The following CLNK variants were observed in gnomAD, a reference collection of about 807,000 sequenced individuals.
CLNK encodes the protein cytokine dependent hematopoietic cell linker.
A neutral mutation model predicts 68.6 loss-of-function variants in CLNK; 74 were observed. That is an observed-to-expected ratio of 1.08 (90% CI 0.89 to 1.31). CLNK has a LOEUF of 1.31. Ranked by LOEUF, CLNK falls within the 50% of genes most tolerant of loss-of-function variation. The probability of loss-of-function intolerance (pLI) is 0.00; values close to 1 mark genes in which losing one functional copy is unlikely to be tolerated. For missense variants in CLNK, 553 were observed against 515.3 expected, an observed-to-expected ratio of 1.07 and a Z score of -0.71; for synonymous variants, 198 against 172.2, an observed-to-expected ratio of 1.15 and a Z score of -1.17.
intron 14 of CLNK, among the ~76,000 whole-genome samples, chr4:10,525,167 C>G (rs1006500680): frequency 6.6e-6 from 1 of 152,172 alleles, no homozygotes; most frequent in Non-Finnish European, 1.5e-5. Flanking sequence ...CGGGTTCACG[C>G]CATTCTCCTG....
At chr4:10,616,732 C>T (rs983740991) in intron 2 of CLNK, among the ~76,000 whole-genome samples, 57 of 149,812 alleles carry the variant, frequency 3.8e-4, no homozygotes, top group Non-Finnish European at 6.5e-4. Context: ...ATGTACTATA[C>T]AACTTTTATA....
chr4:10,521,059 G>A (rs969384606), intron 14 of CLNK, among the ~76,000 whole-genome samples: 1 of 152,136 alleles, frequency 6.6e-6, no homozygotes, highest in Non-Finnish European at 1.5e-5. Flanking sequence ...GACCATATAA[G>A]TTCTTCTCAT....
At chr4:10,705,077 T>G in the CLNK span, among the ~76,000 whole-genome samples, 3 of 152,080 alleles carry the variant, frequency 2.0e-5, no homozygotes, top group Non-Finnish European at 4.4e-5. Context: ...TAGGCAACAG[T>G]AAAGAACTAG....
At chr4:10,594,882 G>A (rs1335554030) in intron 3 of CLNK, among the ~76,000 whole-genome samples, 1 of 152,162 alleles carries the variant, frequency 6.6e-6, no homozygotes, top group East Asian at 1.9e-4. Context: ...ATCACCTGAG[G>A]TTGGGAGTTC....
the CLNK span, among the ~76,000 whole-genome samples, chr4:10,723,919 A>ACAGAGAGAGAG: frequency 2.7e-5 from 4 of 147,996 alleles, no homozygotes; most frequent in Non-Finnish European, 4.5e-5. Context: ...AGAGAGAGAG[A>ACAGAGAGAGAG]AGGCAGGGCA....
At chr4:10,549,427 A>C (rs1577122356) in intron 8 of CLNK, among the ~76,000 whole-genome samples, 1 of 152,312 alleles carries the variant, frequency 6.6e-6, no homozygotes, top group East Asian at 1.9e-4. Context: ...TATTTAAAGG[A>C]GGGTGAGCTT....
chr4:10,554,729 C>A (rs2108816365), intron 8 of CLNK, among the ~76,000 whole-genome samples: 1 of 152,270 alleles, frequency 6.6e-6, no homozygotes. Flanking sequence ...AATTCTGCAA[C>A]CTCGGGCGTG....
intron 2 of CLNK, among the ~76,000 whole-genome samples, chr4:10,624,593 GTTTTTTTTTTT>G (rs10559473): frequency 1.8e-4 from 22 of 122,864 alleles, no homozygotes; most frequent in African/African-American, 6.7e-4. Flanking sequence ...CGCCCGGCCA[GTTTTTTTTTTT>G]TTTTTTTTTT....
chr4:10,678,878 G>A (rs1034521975), intron 1 of CLNK, among the ~76,000 whole-genome samples: 3 of 152,128 alleles, frequency 2.0e-5, no homozygotes, highest in Non-Finnish European at 2.9e-5. Flanking sequence ...ACAAACAAAT[G>A]GAAGAACATT....
chr4:10,727,132 A>G, the CLNK span, among the ~76,000 whole-genome samples: 592 of 152,320 alleles, frequency 3.9e-3, no homozygotes, highest in Admixed American at 6.9e-3. Context: ...TCAAACCGTA[A>G]AAGTATTGAA....
At chr4:10,656,211 A>G (rs1209314469) in intron 2 of CLNK, among the ~76,000 whole-genome samples, 1 of 151,950 alleles carries the variant, frequency 6.6e-6, no homozygotes, top group Non-Finnish European at 1.5e-5. Context: ...TTGACCTGAA[A>G]TTACGGTCAC....
At position 10,486,892 on chromosome 4, in the gene CLNK, T is replaced by C. The variant is rs1716372978; in HGVS notation, c.*3575A>G. The C allele has an allele frequency of 6.6e-6, 1 of 152,242 alleles. No homozygotes were observed. The highest frequency in any genetic ancestry group is 1.5e-5 in the Non-Finnish European group (1 of 68,046). 9.4% of individuals were successfully genotyped at this position (152,242 alleles called of 1,614,324 possible). A position where few individuals can be genotyped will look rare whatever the true frequency, so the allele number is the denominator to read the frequency against. On this transcript the variant is annotated 3_prime_UTR_variant, in exon 19 of 19. Coordinates refer to ENST00000226951, the MANE Select transcript of CLNK (RefSeq NM_052964.4). ...ACTTAGATTATCTTATTTGTTTGTA[T>C]ATTTATTTGTCATCTATCTCTCTTA...
intron 1 of CLNK, among the ~76,000 whole-genome samples, chr4:10,679,542 G>A (rs1338283180): frequency 6.6e-6 from 1 of 152,286 alleles, no homozygotes; most frequent in East Asian, 1.9e-4. Flanking sequence ...AAGAGCTCCT[G>A]CACTGCAAAA....
chr4:10,667,746 C>T (rs1724456591), intron 2 of CLNK, 113 bp downstream of exon 2: 1 of 1,000,828 alleles, frequency 1.0e-6, no homozygotes. Context: ...CAGGAAATCC[C>T]TTTTCCATGG....
At chr4:10,527,046 T>C (rs1477870683) in intron 13 of CLNK, among the ~76,000 whole-genome samples, 3 of 152,210 alleles carry the variant, frequency 2.0e-5, no homozygotes, top group Non-Finnish European at 2.9e-5. Flanking sequence ...TTACTTGAAA[T>C]GTGAGTCAGT....
intron 2 of CLNK, among the ~76,000 whole-genome samples, chr4:10,655,726 T>C (rs1189674145): frequency 7.0e-6 from 1 of 142,798 alleles, no homozygotes; most frequent in East Asian, 2.1e-4. Context: ...CTCGGCTCAC[T>C]GCAAGCTCAG....
chr4:10,671,948 C>G (rs145766273), intron 1 of CLNK, among the ~76,000 whole-genome samples: 3 of 152,150 alleles, frequency 2.0e-5, no homozygotes, highest in Admixed American at 6.5e-5. Context: ...TTTGCTAGTA[C>G]GCAAAATAGC....
At position 10,501,313 on chromosome 4, in the gene CLNK, T is replaced by G. The variant is rs2903960; in HGVS notation, c.1083A>C (p.Ile361=). The change falls in exon 18 of 19, where the codon ATA becomes ATC. Residue 361 remains isoleucine, a synonymous_variant. Coordinates refer to ENST00000226951, the MANE Select transcript of CLNK (RefSeq NM_052964.4). The stretch of plus-strand genomic sequence containing the variant: ...ACTGCTGATTCCTCTCCAGGAAGCG[T>G]ATTTTTACATTGTAGACTTTGTTCT... ...FYENKVYNVK[I]RFLERNQQFA... The G allele has an allele frequency of 1, 1,605,177 of 1,607,450 alleles. 801,480 individuals carry two copies. Among genetic ancestry groups the G allele is most frequent in the East Asian group, 1 (44,598 of 44,598 alleles).
chr4:10,548,590 C>T (rs1225559998), intron 8 of CLNK, among the ~76,000 whole-genome samples: 1 of 152,124 alleles, frequency 6.6e-6, no homozygotes, highest in African/African-American at 2.4e-5. Context: ...GATACAATGC[C>T]AAGGATCTTT....
Sources: allele counts gnomAD v4.1 joint callset (sites outside exome capture counted in the v4.1 genomes callset), GRCh38; gene constraint gnomAD v4.1.1; transcripts MANE v1.5; gene names NCBI Gene and HGNC (gene_info 2026-07-23, HGNC 2026-07-21).